Variants in ABCA13 observed in about 807,000 individuals in gnomAD.
ABCA13 encodes ATP-binding cassette sub-family A member 13.
ABCA13 carries 476 observed loss-of-function variants against 478.7 expected under a neutral mutation model. The observed-to-expected ratio is 0.99, with a 90% CI of 0.92 to 1.07. ABCA13 has a LOEUF of 1.07. ABCA13 is among the 50% of genes least tolerant of loss of function. The pLI is 0.00. For synonymous variants in ABCA13, 2,252 were observed against 2,158.9 expected (o/e 1.04, Z -1.20); for missense variants, 6,060 against 5,910.6 (o/e 1.03, Z -0.83).
chr7:48,589,582 A>C lies in ABCA13; in HGVS notation c.14640+2294A>C, dbSNP rs144037143. Among the ~76,000 whole-genome samples the C allele has an allele frequency of 1.8e-3, 279 of 152,328 alleles. 1 individual carries two copies. Among genetic ancestry groups the C allele is most frequent in the African/African-American group, 6.3e-3 (263 of 41,570 alleles). ...CCCCTGTATGTGATGAGAACACTTA[A>C]TATCTACCCTCTTAGCAAATTTCAA... On this transcript the variant is annotated intron_variant, in intron 57 of 61. Transcript: ENST00000435803.
At chr7:48,209,229 C>G (rs1456152727) in intron 3 of ABCA13, among the ~76,000 whole-genome samples, 2 of 151,806 alleles carry the variant, frequency 1.3e-5, no homozygotes, top group Non-Finnish European at 2.9e-5. Context: ...ATATTAAATT[C>G]AGTTAAATGT....
chr7:48,429,098 T>C (rs76993235), intron 42 of ABCA13, among the ~76,000 whole-genome samples: 2,201 of 152,312 alleles, frequency 0.014, 48 homozygotes, highest in African/African-American at 0.05. Context: ...TTGAGGTTCA[T>C]CCATGTTACA....
intron 55 of ABCA13, among the ~76,000 whole-genome samples, chr7:48,565,618 C>T (rs1455641512): frequency 3.3e-5 from 5 of 151,926 alleles, no homozygotes; most frequent in African/African-American, 9.7e-5. Context: ...AATCCCAGCA[C>T]CCAGACTCCA....
intron 48 of ABCA13, among the ~76,000 whole-genome samples, chr7:48,497,026 G>A (rs1347773949): frequency 6.6e-6 from 1 of 151,550 alleles, no homozygotes; most frequent in Non-Finnish European, 1.5e-5. Flanking sequence ...CACTTTTTCA[G>A]CCCCACTCTC....
Position 48,275,719 on chromosome 7 carries a change from G to A in ABCA13, c.6053G>A (p.Ser2018Asn). ...TCTGAAGACTGGAGCCTAGAAAAAAGTACGCATAATCTACTCTCTTTATTC... is the reference window on the plus strand; with the variant it reads ...TCTGAAGACTGGAGCCTAGAAAAAAATACGCATAATCTACTCTCTTTATTC... Reference protein sequence around the residue: ...LISEDWSLEKSTHNLLSLFMM... With the variant: ...LISEDWSLEKNTHNLLSLFMM... Residue 2018 changes from serine to asparagine, a missense_variant, in exon 17 of 62, where the codon AGT becomes AAT. Ser to Asn is a conservative substitution (Grantham distance 46). Around this residue, in one of 3 missense-constraint regions of ABCA13, gnomAD observed 4,423 missense variants for 4,309.1 expected, o/e 1.03. Transcript: ENST00000435803. 1 of 1,602,780 alleles carries A rather than the reference G, an allele frequency of 6.2e-7. No homozygotes were observed. Among genetic ancestry groups the A allele is most frequent in the Middle Eastern group, 1.7e-4 (1 of 6,046 alleles).
intron 1 of ABCA13, among the ~76,000 whole-genome samples, chr7:48,186,697 T>C (rs142658711): frequency 0.038 from 5,841 of 152,142 alleles, 202 homozygotes; most frequent in Admixed American, 0.11. Context: ...ATTCAGCTCA[T>C]GAATTGTTTT....
chr7:48,629,935 T>C (rs1794024024), intron 59 of ABCA13, among the ~76,000 whole-genome samples: 1 of 152,106 alleles, frequency 6.6e-6, no homozygotes, highest in African/African-American at 2.4e-5. Context: ...ATGAGAAGAA[T>C]TGGGGCAATA....
At chr7:48,319,926 C>T (rs530012594) in intron 27 of ABCA13, among the ~76,000 whole-genome samples, 5 of 152,108 alleles carry the variant, frequency 3.3e-5, no homozygotes, top group Admixed American at 6.5e-5. Context: ...TAAGGCCTTC[C>T]GCCTCTGGGC....
chr7:48,271,711 G>A, intron 16 of ABCA13, 76 bp from the exon 17 acceptor site: 1 of 887,610 alleles, frequency 1.1e-6, no homozygotes, highest in Non-Finnish European at 1.5e-6. Context: ...ATCAATAAAT[G>A]AGTATTAACT....
intron 55 of ABCA13, among the ~76,000 whole-genome samples, chr7:48,558,726 C>G (rs1286158063): frequency 6.6e-6 from 1 of 152,184 alleles, no homozygotes; most frequent in Admixed American, 6.5e-5. Context: ...TGAGTTTCCT[C>G]AAAACGGCTA....
At chr7:48,214,307 A>G (rs1786113396) in intron 3 of ABCA13, among the ~76,000 whole-genome samples, 1 of 152,156 alleles carries the variant, frequency 6.6e-6, no homozygotes, top group Non-Finnish European at 1.5e-5. Flanking sequence ...TATTCCATTT[A>G]TAGAGCACAG....
chr7:48,576,251 C>T (rs2131344765), intron 55 of ABCA13, among the ~76,000 whole-genome samples: 1 of 152,218 alleles, frequency 6.6e-6, no homozygotes, highest in Non-Finnish European at 1.5e-5. Flanking sequence ...GACTGTGAAT[C>T]AGGAGACCCA....
chr7:48,601,711 A>T (rs749070378), intron 58 of ABCA13, among the ~76,000 whole-genome samples: 2 of 152,112 alleles, frequency 1.3e-5, no homozygotes, highest in Admixed American at 6.5e-5. Context: ...ATAGTAGAAT[A>T]ATCTGTAATC....
chr7:48,637,380 G>GAAAAAAAAAAAAAAA (rs1794727558), intron 59 of ABCA13, among the ~76,000 whole-genome samples: 1 of 6,578 alleles, frequency 1.5e-4, no homozygotes, highest in Non-Finnish European at 2.8e-4. Context: ...TGTTCATAAA[G>GAAAAAAAAAAAAAAA]CAAAAAAAAA....
chr7:48,482,385 ATT>A (rs5884048), intron 46 of ABCA13, among the ~76,000 whole-genome samples: 7,330 of 148,278 alleles, frequency 0.049, 202 homozygotes, highest in South Asian at 0.12. Context: ...CTATTAAGAA[ATT>A]TTTTTTTTTT....
intron 20 of ABCA13, among the ~76,000 whole-genome samples, chr7:48,289,749 G>C (rs777198419): frequency 1.7e-4 from 26 of 152,210 alleles, no homozygotes; most frequent in African/African-American, 5.5e-4. Flanking sequence ...CTCAAAGACT[G>C]TATTTATAGT....
At chr7:48,424,521 A>G (rs1821157321) in intron 41 of ABCA13, among the ~76,000 whole-genome samples, 1 of 152,218 alleles carries the variant, frequency 6.6e-6, no homozygotes. Flanking sequence ...ACATTATTTG[A>G]GGACCTGCTG....
chr7:48,309,485 T>C (rs1460905876), intron 23 of ABCA13, among the ~76,000 whole-genome samples: 1 of 152,176 alleles, frequency 6.6e-6, no homozygotes, highest in Non-Finnish European at 1.5e-5. Context: ...TTGGTAATCC[T>C]GTTTTCAATC....
At chr7:48,334,197 A>G (rs1805848781) in intron 27 of ABCA13, among the ~76,000 whole-genome samples, 2 of 152,212 alleles carry the variant, frequency 1.3e-5, no homozygotes, top group South Asian at 4.1e-4. Context: ...TGCATTAATA[A>G]TGTTATTCAA....
Sources: allele counts gnomAD v4.1 joint callset (sites outside exome capture counted in the v4.1 genomes callset), GRCh38; gene constraint gnomAD v4.1.1; regional missense constraint gnomAD v4.1.1; transcripts MANE v1.5; gene names NCBI Gene and HGNC (gene_info 2026-07-23, HGNC 2026-07-21).